PALM2AKAP2: variants seen among roughly 807,000 people sequenced by gnomAD.
PALM2AKAP2 encodes the protein PALM2-AKAP2 fusion protein.
In PALM2AKAP2, 37 loss-of-function variants were observed where a neutral mutation model predicts 71.5. The observed-to-expected ratio is 0.52, with a 90% CI of 0.40 to 0.68. The LOEUF (loss-of-function observed/expected upper bound fraction) is 0.68. Ranked by LOEUF, PALM2AKAP2 falls within the 30% of genes least tolerant of loss-of-function variation. The probability of loss-of-function intolerance (pLI) is 0.00; values close to 1 mark genes in which losing one functional copy is unlikely to be tolerated. For missense variants in PALM2AKAP2, 1,224 were observed against 1,191.8 expected, an observed-to-expected ratio of 1.03 and a Z score of -0.40; for synonymous variants, 468 against 478.8, an observed-to-expected ratio of 0.98 and a Z score of 0.29.
upstream of PALM2AKAP2, among the ~76,000 whole-genome samples, chr9:110,046,869 GA>G (rs1455896203): frequency 1.3e-5 from 2 of 152,160 alleles, no homozygotes; most frequent in East Asian, 3.8e-4. Context: ...TACCTGCCAT[GA>G]TATTGTTTAT....
At chr9:110,136,300 T>C (rs1835863731) in exon 2 of PALM2AKAP2, 5 of 1,614,104 alleles carry the variant, frequency 3.1e-6, no homozygotes, top group Non-Finnish European at 4.2e-6. Context: ...CTACCCCACA[T>C]CCCATGGACC....
At chr9:110,043,714 GTGTTTTTTT>G (rs1833545506), upstream of PALM2AKAP2, among the ~76,000 whole-genome samples, 2 of 98,410 alleles carry the variant, frequency 2.0e-5, no homozygotes, top group African/African-American at 4.4e-5. Context: ...GTTTTTTTTG[GTGTTTTTTT>G]TTTTTTTTTT....
At chr9:110,059,403 A>C (rs903796998) in intron 1 of PALM2AKAP2, among the ~76,000 whole-genome samples, 3 of 152,050 alleles carry the variant, frequency 2.0e-5, no homozygotes, top group African/African-American at 7.2e-5. Context: ...TGCTTTCTTT[A>C]GTTGTTGGTA....
chr9:109,679,725 C>T (rs1358912), intron 1 of PALM2AKAP2, among the ~76,000 whole-genome samples: 55,876 of 151,912 alleles, frequency 0.37, 10,566 homozygotes, highest in Middle Eastern at 0.52. Flanking sequence ...ATTGGACCTG[C>T]GCTAAAAAAC....
At chr9:110,111,818 C>T (rs762877882) in intron 1 of PALM2AKAP2, among the ~76,000 whole-genome samples, 11 of 152,108 alleles carry the variant, frequency 7.2e-5, no homozygotes, top group African/African-American at 2.2e-4. Flanking sequence ...CTCCAGTCAA[C>T]GTTTTGGTTC....
intron 1 of PALM2AKAP2, among the ~76,000 whole-genome samples, chr9:110,092,551 GA>G (rs1163150377): frequency 6.6e-6 from 1 of 152,068 alleles, no homozygotes; most frequent in Non-Finnish European, 1.5e-5. Flanking sequence ...TTGCACTTTA[GA>G]TTTTTTTTTA....
At chr9:110,164,528 CTTTTTT>C (rs35588802) in intron 3 of PALM2AKAP2, among the ~76,000 whole-genome samples, 2 of 129,274 alleles carry the variant, frequency 1.5e-5, no homozygotes, top group Admixed American at 7.9e-5. Context: ...ATTTAGTTTA[CTTTTTT>C]TTTTTTTTTT....
upstream of PALM2AKAP2, among the ~76,000 whole-genome samples, chr9:110,043,716 G>T (rs260213): frequency 0.3 from 28,437 of 95,460 alleles, 4,047 homozygotes; most frequent in South Asian, 0.42. Flanking sequence ...TTTTTTTGGT[G>T]TTTTTTTTTT....
intron 1 of PALM2AKAP2, among the ~76,000 whole-genome samples, chr9:109,853,771 T>G (rs1829082432): frequency 6.6e-6 from 1 of 152,262 alleles, no homozygotes; most frequent in Non-Finnish European, 1.5e-5. Flanking sequence ...AAAGTCAGTT[T>G]CCCCTCACTA....
At chr9:109,883,064 A>G (rs1315159465) in intron 3 of PALM2AKAP2, among the ~76,000 whole-genome samples, 1 of 152,174 alleles carries the variant, frequency 6.6e-6, no homozygotes, top group Admixed American at 6.5e-5. Flanking sequence ...GGTAACTCGC[A>G]CTTGTAGAAT....
intron 2 of PALM2AKAP2, among the ~76,000 whole-genome samples, chr9:110,147,341 A>T (rs1316667870): frequency 2.6e-5 from 4 of 152,048 alleles, no homozygotes; most frequent in African/African-American, 9.7e-5. Context: ...CTCAAGCTTC[A>T]TTCCTGACTA....
At position 109,880,566 on chromosome 9, in the gene PALM2AKAP2, G is replaced by T; in HGVS notation, c.142G>T (p.Glu48Ter). The change falls in exon 3 of 10, where the codon GAG (glutamate) becomes TAG (stop). Residue 48 changes from glutamate (E) to a stop codon, truncating the protein, a stop_gained. Transcript: ENST00000302798. LOFTEE classifies it high-confidence loss of function. ...ACTTCCACAGTCCAAAGTGCTTCGG[G>T]AGAAATGGCTGCTGCAGGGCATACC... 6.2e-7 allele frequency: 1 copy of T among 1,612,960 alleles called. No individual in the cohort carries two copies. The highest frequency in any genetic ancestry group is 8.5e-7 in the Non-Finnish European group (1 of 1,179,938).
intron 1 of PALM2AKAP2, among the ~76,000 whole-genome samples, chr9:110,098,053 C>T (rs865947858): frequency 5.6e-5 from 8 of 143,708 alleles, no homozygotes; most frequent in African/African-American, 1.6e-4. Flanking sequence ...CGCAGGCACT[C>T]GGCAGGCTGA....
chr9:110,158,282 C>T (rs1445341869), intron 3 of PALM2AKAP2, among the ~76,000 whole-genome samples: 10 of 152,324 alleles, frequency 6.6e-5, no homozygotes, highest in African/African-American at 2.4e-4. Context: ...TTCTTTTCTC[C>T]CAGTGACTCT....
At chr9:109,787,812 T>C (rs1014289050) in intron 1 of PALM2AKAP2, among the ~76,000 whole-genome samples, 4 of 152,236 alleles carry the variant, frequency 2.6e-5, no homozygotes, top group African/African-American at 9.6e-5. Context: ...ACAATTCCTT[T>C]TGATCAAGAG....
chr9:109,950,429 A>T (rs1337662856), intron 6 of PALM2AKAP2, among the ~76,000 whole-genome samples: 1 of 152,188 alleles, frequency 6.6e-6, no homozygotes, highest in Non-Finnish European at 1.5e-5. Context: ...AGAGTTCCTG[A>T]ATATTTTCCC....
chr9:110,150,479 A>ATCTC (rs373544506), intron 2 of PALM2AKAP2, among the ~76,000 whole-genome samples: 2 of 150,432 alleles, frequency 1.3e-5, no homozygotes, highest in African/African-American at 4.9e-5. Context: ...GCATCTTCAG[A>ATCTC]TCTCTCTCTC....
upstream of PALM2AKAP2, among the ~76,000 whole-genome samples, chr9:110,045,594 G>A (rs1564276363): frequency 2.6e-5 from 4 of 151,654 alleles, no homozygotes; most frequent in African/African-American, 9.7e-5. Context: ...TTTTGATGCA[G>A]TCTCTCTCTG....
At chr9:109,979,321 C>T (rs1157465702) in intron 6 of PALM2AKAP2, among the ~76,000 whole-genome samples, 1 of 152,146 alleles carries the variant, frequency 6.6e-6, no homozygotes, top group Non-Finnish European at 1.5e-5. Context: ...AGAGTCTAGC[C>T]ATGAGGGTGG....
Sources: gnomAD v4.1 joint callset for allele counts (sites outside exome capture counted in the v4.1 genomes callset) on GRCh38, gnomAD v4.1.1 for gene constraint, MANE v1.5 for transcripts, NCBI Gene and HGNC (gene_info 2026-07-23, HGNC 2026-07-21) for gene names.